NUDT13: variants seen among roughly 807,000 people sequenced by gnomAD.
NUDT13 encodes the protein NAD(P)H pyrophosphatase NUDT13, mitochondrial.
Under a neutral mutation model 41.7 loss-of-function variants are expected in NUDT13, and 40 were observed. That is an observed-to-expected ratio of 0.96 (90% confidence interval 0.75 to 1.25). The LOEUF (loss-of-function observed/expected upper bound fraction) is 1.25. NUDT13 is among the 50% of genes most tolerant of loss of function. The pLI, the probability that NUDT13 is intolerant of heterozygous loss-of-function variation, is 0.00. For missense variants in NUDT13, 390 were observed against 416.1 expected, an observed-to-expected ratio of 0.94 and a Z score of 0.55; for synonymous variants, 145 against 155.5, an observed-to-expected ratio of 0.93 and a Z score of 0.50.
In NUDT13 at chr10:73,131,449, CAATT is replaced by C. The variant is rs1589674153; in HGVS notation, c.*549_*552del. The C allele has an allele frequency of 6.3e-6, 1 of 157,502 alleles. No homozygotes were observed. The highest frequency in any genetic ancestry group is 2.4e-5 in the African/African-American group (1 of 41,450). The allele number at this position is 157,502 out of a possible 1,614,324, so 9.8% of individuals were successfully genotyped here. ...GAACATGCTAGTTAAATAAAAGTCA[CAATT>C]AAGTCATTATGACTCAGAGTACTTT... On this transcript the variant is annotated 3_prime_UTR_variant, in exon 9 of 9. Transcript: ENST00000357321.
chr10:73,115,995 G>A (rs552979485), intron 2 of NUDT13, among the ~76,000 whole-genome samples: 2 of 146,886 alleles, frequency 1.4e-5, no homozygotes, highest in East Asian at 4.2e-4. Context: ...CTTAACCTAA[G>A]AAATAATTTT....
chr10:73,126,744 T>G lies in NUDT13; in HGVS notation c.775T>G (p.Tyr259Asp). The G allele has an allele frequency of 6.2e-7, 1 of 1,614,124 alleles. No homozygotes were observed. The highest frequency in any genetic ancestry group is 8.5e-7 in the Non-Finnish European group (1 of 1,180,002). Residue 259 changes from tyrosine (Y) to aspartate (D), a missense_variant, in exon 8 of 9, where the codon TAC becomes GAC. By Grantham distance (160) the Tyr-to-Asp change is radical. Transcript: ENST00000357321. ...GGGATTGGAGGTGGAAAGCCTGCAG[T>G]ACTATGCATCCCAGCATTGGCCCTT... is the stretch of plus-strand genomic sequence containing the variant. ...EVGLEVESLQ[Y>D]YASQHWPFPS... is the part of the protein sequence containing the mutation.
intron 1 of NUDT13, among the ~76,000 whole-genome samples, chr10:73,111,174 T>C (rs988231842): frequency 6.6e-6 from 1 of 152,108 alleles, no homozygotes; most frequent in African/African-American, 2.4e-5. Context: ...GAGACGGGGT[T>C]TCACCGTGTT....
chr10:73,130,869 T>C lies in NUDT13; in HGVS notation c.1025T>C (p.Val342Ala). 6.2e-7 allele frequency: 1 copy of C among 1,613,796 alleles called. No homozygotes were observed. Among genetic ancestry groups the C allele is most frequent in the South Asian group, 1.1e-5 (1 of 91,042 alleles). ...TCCCACCAACTGATTAAGGAGTGGG[T>C]GGAAAAACAGACCTGTTCTTCCCTG... ...AISHQLIKEW[V>A]EKQTCSSLPA is the part of the protein sequence containing the mutation. The change falls in exon 9 of 9, where the codon GTG becomes GCG. Residue 342 changes from valine to alanine, a missense_variant. Physicochemically the swap from Val to Ala is moderately conservative, Grantham distance 64 (BLOSUM62 0). Coordinates refer to ENST00000357321, the MANE Select transcript of NUDT13 (RefSeq NM_015901.6).
At chr10:73,113,191 T>A (rs538210808) in intron 1 of NUDT13, among the ~76,000 whole-genome samples, 35 of 152,364 alleles carry the variant, frequency 2.3e-4, no homozygotes, top group African/African-American at 7.9e-4. Flanking sequence ...CCAGCCCTTC[T>A]ATTTGTTCTT....
intron 5 of NUDT13, 138 bp from the exon 6 acceptor site, chr10:73,124,980 C>A: frequency 2.1e-6 from 2 of 933,790 alleles, no homozygotes; most frequent in Non-Finnish European, 3.1e-6. Flanking sequence ...GAAATTTAAA[C>A]AGTAACCATT....
At chr10:73,127,783 T>C (rs970446864) in intron 8 of NUDT13, among the ~76,000 whole-genome samples, 4 of 151,732 alleles carry the variant, frequency 2.6e-5, no homozygotes, top group Admixed American at 6.6e-5. Context: ...GTGAGATCTA[T>C]TCTCTTAGCA....
At chr10:73,116,876 ATTTTTT>A (rs56229464) in intron 2 of NUDT13, among the ~76,000 whole-genome samples, 3 of 81,866 alleles carry the variant, frequency 3.7e-5, no homozygotes, top group East Asian at 3.4e-4. Context: ...GACTACAAGA[ATTTTTT>A]TTTTTTTTTT....
chr10:73,130,083 A>G (rs1842880019), intron 8 of NUDT13: 1 of 152,192 alleles, frequency 6.6e-6, no homozygotes, highest in Non-Finnish European at 1.5e-5. Flanking sequence ...TTTATTCTCA[A>G]TGTTAACCAC....
intron 4 of NUDT13, among the ~76,000 whole-genome samples, chr10:73,123,193 C>G (rs1842688951): frequency 6.6e-6 from 1 of 152,170 alleles, no homozygotes; most frequent in African/African-American, 2.4e-5. Context: ...AGCCACCAAG[C>G]CCGGTCACAT....
intron 4 of NUDT13, among the ~76,000 whole-genome samples, chr10:73,122,900 CTT>C (rs60953028): frequency 5.4e-4 from 66 of 122,988 alleles, no homozygotes; most frequent in African/African-American, 6.4e-4. Flanking sequence ...TTGTATATTT[CTT>C]TTTTTTTTTT....
chr10:73,125,586 C>T, intron 7 of NUDT13, 77 bp downstream of exon 7: 1 of 951,222 alleles, frequency 1.1e-6, no homozygotes, highest in Non-Finnish European at 1.5e-6. Context: ...TGTCTTGTTG[C>T]TATAGAGCTT....
rs771976716 is a variant in NUDT13, at chr10:73,125,189, C to T, written c.537C>T (p.Asn179=). ...CSRSGQPTKK[N]VAGSKRVCPS... Reference sequence around the variant, plus strand: ...GAAGTGGGCAGCCCACCAAGAAGAACGTGGCTGGCAGCAAGCGTGTGTGCC... The same window carrying T: ...GAAGTGGGCAGCCCACCAAGAAGAATGTGGCTGGCAGCAAGCGTGTGTGCC... The change falls in exon 6 of 9, where the codon AAC becomes AAT. Residue 179 remains asparagine, a synonymous_variant. Coordinates refer to ENST00000357321, the MANE Select transcript of NUDT13 (RefSeq NM_015901.6). 5.6e-6 allele frequency: 9 copies of T among 1,613,528 alleles called. No individual in the cohort carries two copies. The highest frequency in any genetic ancestry group is 2.2e-5 in the East Asian group (1 of 44,884).
At chr10:73,114,525 A>T in intron 2 of NUDT13, 77 bp downstream of exon 2, 1 of 565,162 alleles carries the variant, frequency 1.8e-6, no homozygotes, top group Non-Finnish European at 2.9e-6. Flanking sequence ...TTTTATATAT[A>T]TATTTAGGTT....
intron 4 of NUDT13, among the ~76,000 whole-genome samples, chr10:73,122,900 CTTT>C (rs60953028): frequency 7.3e-5 from 9 of 122,990 alleles, no homozygotes; most frequent in Admixed American, 8.1e-5. Context: ...TTGTATATTT[CTTT>C]TTTTTTTTTT....
intron 2 of NUDT13, chr10:73,119,576 C>A (rs1842593767): frequency 1.7e-6 from 1 of 588,050 alleles, no homozygotes; most frequent in Non-Finnish European, 2.1e-6. Flanking sequence ...CACTCCACTG[C>A]ATGTAAATTC....
chr10:73,119,919 A>G (rs1842601562), intron 2 of NUDT13, 99 bp from the exon 3 acceptor site: 7 of 1,236,516 alleles, frequency 5.7e-6, no homozygotes, highest in Non-Finnish European at 8.1e-6. Context: ...GGAAATAACC[A>G]TGGTAAGAGA....
At chr10:73,116,725 G>C (rs535381177) in intron 2 of NUDT13, among the ~76,000 whole-genome samples, 5 of 152,080 alleles carry the variant, frequency 3.3e-5, no homozygotes, top group Admixed American at 3.3e-4. Flanking sequence ...CTGCATGATA[G>C]AGTGAGACCC....
intron 1 of NUDT13, among the ~76,000 whole-genome samples, chr10:73,113,051 C>A (rs1023048924): frequency 1.3e-5 from 2 of 152,126 alleles, no homozygotes; most frequent in East Asian, 3.9e-4. Flanking sequence ...CCACGCCCAG[C>A]TAATTTTGTA....
Sources: gnomAD v4.1 joint callset for allele counts (sites outside exome capture counted in the v4.1 genomes callset) on GRCh38, gnomAD v4.1.1 for gene constraint, MANE v1.5 for transcripts, NCBI Gene and HGNC (gene_info 2026-07-23, HGNC 2026-07-21) for gene names.